TUSC3: variants seen among roughly 807,000 people sequenced by gnomAD.
TUSC3 encodes the protein dolichyl-diphosphooligosaccharide--protein glycosyltransferase subunit TUSC3.
A neutral mutation model predicts 44.8 loss-of-function variants in TUSC3; 45 were observed. That is an observed-to-expected ratio of 1.00 (90% confidence interval 0.79 to 1.29). The LOEUF is 1.29. TUSC3 is among the 50% of genes most tolerant of loss of function. The pLI is 0.00. For missense variants in TUSC3, 519 were observed against 437.9 expected, an observed-to-expected ratio of 1.19 and a Z score of -1.65; for synonymous variants, 212 against 152.9, an observed-to-expected ratio of 1.39 and a Z score of -2.85.
chr8:15,585,330 A>G (rs757445064), intron 1 of TUSC3, among the ~76,000 whole-genome samples: 14 of 152,184 alleles, frequency 9.2e-5, no homozygotes, highest in South Asian at 4.1e-4. Flanking sequence ...AGTCTCACCA[A>G]TGCACCACAA....
chr8:15,694,359 T>C (rs768137783), intron 6 of TUSC3, among the ~76,000 whole-genome samples: 10 of 147,106 alleles, frequency 6.8e-5, no homozygotes, highest in Non-Finnish European at 1.2e-4. Flanking sequence ...GGAAAATCAC[T>C]TGAACCTGGG....
At chr8:15,826,819 G>A in the TUSC3 span, among the ~76,000 whole-genome samples, 5 of 152,210 alleles carry the variant, frequency 3.3e-5, no homozygotes, top group Admixed American at 6.6e-5. Context: ...TGGAGAAGCC[G>A]GAGATGGCAA....
At chr8:15,690,715 T>C (rs1654201340) in intron 6 of TUSC3, among the ~76,000 whole-genome samples, 1 of 152,182 alleles carries the variant, frequency 6.6e-6, no homozygotes, top group Admixed American at 6.5e-5. Flanking sequence ...GTCATCTGCA[T>C]ATGGCTAGCA....
At chr8:15,602,783 G>A (rs1483403007) in intron 1 of TUSC3, among the ~76,000 whole-genome samples, 2 of 151,018 alleles carry the variant, frequency 1.3e-5, no homozygotes, top group Non-Finnish European at 3.0e-5. Context: ...GTTTAACTTA[G>A]ATTAGCGATT....
At chr8:15,786,267 T>A in the TUSC3 span, among the ~76,000 whole-genome samples, 1 of 152,228 alleles carries the variant, frequency 6.6e-6, no homozygotes, top group South Asian at 2.1e-4. Flanking sequence ...TTAAACCATC[T>A]GACACTATCT....
intron 7 of TUSC3, 152 bp from the exon 8 acceptor site, chr8:15,743,384 GAA>G: frequency 1.3e-6 from 1 of 771,834 alleles, no homozygotes. Flanking sequence ...TGCTCACAAA[GAA>G]TGGTAATTTT....
chr8:15,622,097 T>C (rs1478689735), intron 1 of TUSC3, among the ~76,000 whole-genome samples: 1 of 152,130 alleles, frequency 6.6e-6, no homozygotes, highest in African/African-American at 2.4e-5. Context: ...GAGATTACTT[T>C]TCTCTCTGAT....
intron 6 of TUSC3, among the ~76,000 whole-genome samples, chr8:15,725,628 C>G (rs562554007): frequency 7.9e-6 from 1 of 127,126 alleles, no homozygotes; most frequent in African/African-American, 2.8e-5. Context: ...ATGATGATGA[C>G]GGTAGATTAC....
intron 6 of TUSC3, among the ~76,000 whole-genome samples, chr8:15,685,858 GTTT>G (rs34405336): frequency 1.4e-5 from 2 of 145,102 alleles, no homozygotes; most frequent in Admixed American, 6.9e-5. Context: ...TAGTTCTTAG[GTTT>G]TTTTTTTTTT....
At chr8:15,583,336 C>T (rs1803454536) in intron 1 of TUSC3, among the ~76,000 whole-genome samples, 2 of 152,188 alleles carry the variant, frequency 1.3e-5, no homozygotes, top group South Asian at 4.1e-4. Flanking sequence ...AAATGCGGAA[C>T]TAATAAAACT....
At chr8:15,629,784 A>T (rs1805678612) in intron 2 of TUSC3, among the ~76,000 whole-genome samples, 1 of 149,050 alleles carries the variant, frequency 6.7e-6, no homozygotes, top group Non-Finnish European at 1.5e-5. Context: ...TTGCATTTAG[A>T]TTCTTCAGTT....
intron 2 of TUSC3, among the ~76,000 whole-genome samples, chr8:15,528,228 A>G (rs901009945): frequency 1.3e-5 from 2 of 152,214 alleles, no homozygotes; most frequent in African/African-American, 2.4e-5. Context: ...CTTTCCTTGG[A>G]AATGACAAGG....
chr8:15,699,362 C>G (rs942912419), intron 6 of TUSC3, among the ~76,000 whole-genome samples: 2 of 152,158 alleles, frequency 1.3e-5, no homozygotes, highest in Admixed American at 6.6e-5. Flanking sequence ...AACTTGCAAA[C>G]TTTTAGACTG....
At chr8:15,535,196 C>A (rs1010321695) in intron 2 of TUSC3, among the ~76,000 whole-genome samples, 2 of 152,244 alleles carry the variant, frequency 1.3e-5, no homozygotes, top group African/African-American at 2.4e-5. Flanking sequence ...GAAATTAATT[C>A]TTGTAAAACC....
At chr8:15,559,315 G>A (rs1802374381) in intron 1 of TUSC3, among the ~76,000 whole-genome samples, 1 of 145,174 alleles carries the variant, frequency 6.9e-6, no homozygotes, top group Admixed American at 6.9e-5. Context: ...GAGCAGTTTT[G>A]AGTGAGATTC....
chr8:15,544,091 T>C (rs1329914448), intron 1 of TUSC3, among the ~76,000 whole-genome samples: 1 of 152,194 alleles, frequency 6.6e-6, no homozygotes, highest in Non-Finnish European at 1.5e-5. Context: ...GTATAGTCAC[T>C]TTTCTTAATT....
chr8:15,552,165 CTAT>C (rs1301576204), intron 1 of TUSC3, among the ~76,000 whole-genome samples: 1 of 151,662 alleles, frequency 6.6e-6, no homozygotes, highest in Non-Finnish European at 1.5e-5. Flanking sequence ...CGTAGAAATA[CTAT>C]TATTGATGTA....
At chr8:15,571,366 G>T (rs1039897057) in intron 1 of TUSC3, among the ~76,000 whole-genome samples, 2 of 152,106 alleles carry the variant, frequency 1.3e-5, no homozygotes, top group African/African-American at 2.4e-5. Flanking sequence ...TTACAATAAA[G>T]AGTTAGCAAG....
At chr8:15,459,116 C>T (rs962940175) in intron 1 of TUSC3, among the ~76,000 whole-genome samples, 7 of 152,094 alleles carry the variant, frequency 4.6e-5, no homozygotes, top group African/African-American at 7.2e-5. Context: ...CAAGTTTATG[C>T]CTTGATTTTT....
Sources: allele counts gnomAD v4.1 joint callset (sites outside exome capture counted in the v4.1 genomes callset), GRCh38; gene constraint gnomAD v4.1.1; transcripts MANE v1.5; gene names NCBI Gene and HGNC (gene_info 2026-07-23, HGNC 2026-07-21).